CNTN2: variants seen among roughly 807,000 people sequenced by gnomAD.
CNTN2 encodes contactin 2.
A neutral mutation model predicts 117.5 loss-of-function variants in CNTN2; 53 were observed. The observed-to-expected ratio is 0.45, with a 90% CI of 0.36 to 0.57. CNTN2 has a LOEUF of 0.57. Ranked by LOEUF, CNTN2 falls within the 20% of genes least tolerant of loss-of-function variation. The pLI is 0.00. For missense variants in CNTN2, 1,106 were observed against 1,404.3 expected, an observed-to-expected ratio of 0.79 and a Z score of 3.39; for synonymous variants, 530 against 561.7, an observed-to-expected ratio of 0.94 and a Z score of 0.80.
chr1:205,055,254 T>C (rs1170823973), intron 2 of CNTN2, among the ~76,000 whole-genome samples: 1 of 152,192 alleles, frequency 6.6e-6, no homozygotes, highest in Non-Finnish European at 1.5e-5. Flanking sequence ...GCTCAGGTGA[T>C]CCTCCTGCCT....
At chr1:205,050,932 G>T (rs10900440) in intron 1 of CNTN2, among the ~76,000 whole-genome samples, 33,404 of 152,158 alleles carry the variant, frequency 0.22, 4,582 homozygotes, top group East Asian at 0.64. Context: ...TGAGTACGTT[G>T]AAGGTGGGCT....
In CNTN2 at chr1:205,050,278, A is replaced by AGTGTGTGTGT. The variant is rs3073631; in HGVS notation, c.-86-2792_-86-2783dup. Among the ~76,000 whole-genome samples the AGTGTGTGTGT allele has an allele frequency of 5.4e-3, 786 of 145,488 alleles. 8 individuals carry two copies. The highest frequency in any genetic ancestry group is 0.046 in the East Asian group (216 of 4,694). On this transcript the variant is annotated intron_variant, in intron 1 of 22. Transcript: ENST00000331830. ...ATACGCTGCTGACCCTAGAGCTCTG[A>AGTGTGTGTGT]GTGTGTGTGTGTGTGTGTGTGTGTG...
At position 205,072,533 on chromosome 1, in the gene CNTN2, C is replaced by G; in HGVS notation, c.2782C>G (p.Leu928Val). The stretch of plus-strand genomic sequence containing the variant: ...CTCCTGGACTTTCTCAAGCTCTAGT[C>G]TTAGCATTAAGTGGGACCCTGTGGT... ...NISWTFSSSSLSIKWDPVVPF... is the reference protein window; with the variant it reads ...NISWTFSSSSVSIKWDPVVPF... Residue 928 changes from leucine (L) to valine (V), a missense_variant, in exon 21 of 23, where the codon CTT (leucine) becomes GTT (valine). Transcript: ENST00000331830. 1.2e-6 allele frequency: 2 copies of G among 1,614,188 alleles called. No individual in the cohort carries two copies. Among genetic ancestry groups the G allele is most frequent in the East Asian group, 4.5e-5 (2 of 44,884 alleles).
intron 21 of CNTN2, 96 bp downstream of exon 21, chr1:205,072,691 T>G (rs1475811992): frequency 5.7e-6 from 5 of 875,786 alleles, no homozygotes; most frequent in African/African-American, 3.3e-5. Flanking sequence ...AAGAGGCATC[T>G]GAGTGAGACA....
At chr1:205,057,250 G>C (rs935612587) in intron 2 of CNTN2, 1 of 152,226 alleles carries the variant, frequency 6.6e-6, no homozygotes, top group African/African-American at 2.4e-5. Context: ...ACTTTCCCAA[G>C]GTCCCACAGC....
At chr1:205,062,378 A>G in intron 9 of CNTN2, 62 bp from the exon 10 acceptor site, 5 of 1,549,968 alleles carry the variant, frequency 3.2e-6, no homozygotes, top group Non-Finnish European at 4.3e-6. Context: ...ACCCCTGCCA[A>G]CCCCTCCTCC....
rs142960235 is a variant in CNTN2 at position 205,066,804 on chromosome 1, G to A, written c.1975+205G>A. ...CAGAAAGTAGGAGAGTCGGGAAAGA[G>A]TTAGAAGAGGAGGCGCTTGGTCTAT... On this transcript the variant is annotated intron_variant, in intron 15 of 22. Coordinates refer to ENST00000331830, the MANE Select transcript of CNTN2 (RefSeq NM_005076.5). 3.3e-3 allele frequency among the ~76,000 whole-genome samples: 497 copies of A among 152,318 alleles called. 21 individuals carry two copies. In the East Asian group the frequency reaches 0.071, roughly 22 times the overall value.
At chr1:205,062,762 A>G in intron 10 of CNTN2, 193 bp downstream of exon 10, 1 of 529,598 alleles carries the variant, frequency 1.9e-6, no homozygotes, top group Non-Finnish European at 3.0e-6. Context: ...CAGCTGCCAG[A>G]GGGCAGGGTC....
In CNTN2 at chr1:205,059,823, C is replaced by T. The variant is rs940647972; in HGVS notation, c.797+141C>T. ...AAAGTACTGGGCACACAGTGGGTATCGACCACCACTCACTGGACAGTACCT... is the reference window on the plus strand; with the variant it reads ...AAAGTACTGGGCACACAGTGGGTATTGACCACCACTCACTGGACAGTACCT... On this transcript the variant is annotated intron_variant, in intron 7 of 22. Transcript: ENST00000331830. The surrounding 1 kb of genome is among the most constrained non-coding windows in gnomAD (Gnocchi z 5.6). 7 of 664,896 alleles carry T rather than the reference C, an allele frequency of 1.1e-5. No homozygotes were observed. Among genetic ancestry groups the T allele is most frequent in the African/African-American group, 7.2e-5 (4 of 55,664 alleles). The allele number at this position is 664,896 out of a possible 1,614,324, so 41.2% of individuals were successfully genotyped here. A position where few individuals can be genotyped will look rare whatever the true frequency, so the allele number is the denominator to read the frequency against.
chr1:205,069,510 AG>A lies in CNTN2; in HGVS notation c.2147del (p.Gly716AspfsTer114). 6.2e-7 allele frequency: 1 copy of A among 1,614,078 alleles called. No individual in the cohort carries two copies. Among genetic ancestry groups the A allele is most frequent in the Non-Finnish European group, 8.5e-7 (1 of 1,180,016 alleles). On this transcript the variant is annotated frameshift_variant, in exon 17 of 23. Coordinates refer to ENST00000331830, the MANE Select transcript of CNTN2 (RefSeq NM_005076.5). LOFTEE classifies it high-confidence loss of function. ...REAAPSVAPS[G>X]LSGGGGAPGE... ...TGACAGCCCCCTCGGTGGCACCCTC[AG>A]GACTCAGCGGAGGAGGTGGAGCCCC...
chr1:205,063,786 G>A (rs1654113997), intron 10 of CNTN2, among the ~76,000 whole-genome samples: 1 of 152,104 alleles, frequency 6.6e-6, no homozygotes, highest in Admixed American at 6.5e-5. Flanking sequence ...CATTTAGACT[G>A]TGACCTGAAT....
intron 18 of CNTN2, 133 bp from the exon 19 acceptor site, chr1:205,070,293 G>C: frequency 1.4e-6 from 1 of 718,740 alleles, no homozygotes; most frequent in Non-Finnish European, 2.3e-6. Context: ...GCATTGCTTG[G>C]GGGGCTCCCA....
chr1:205,067,165 C>G lies in CNTN2; in HGVS notation c.2040C>G (p.Asp680Glu), dbSNP rs1323344733. ...AQVLGLTPWM[D>E]YEFRVIASNI... is the part of the protein sequence containing the mutation. ...TGCTGGGCCTCACCCCCTGGATGGA[C>G]TATGAGTTCCGGGTCATAGCCAGCA... The change falls in exon 16 of 23, where the codon GAC becomes GAG. Residue 680 changes from aspartate (D) to glutamate (E), a missense_variant. Asp to Glu is a conservative substitution (Grantham distance 45). Coordinates refer to ENST00000331830, the MANE Select transcript of CNTN2 (RefSeq NM_005076.5). The G allele has an allele frequency of 2.5e-6, 4 of 1,614,130 alleles. No homozygotes were observed. The African/African-American group carries it at 4.0e-5, about 16-fold the overall frequency.
At chr1:205,044,294 T>C (rs1317220306) in intron 1 of CNTN2, among the ~76,000 whole-genome samples, 1 of 152,062 alleles carries the variant, frequency 6.6e-6, no homozygotes, top group Non-Finnish European at 1.5e-5. Context: ...CCAGTGAGTG[T>C]CCAGAGCTGA....
chr1:205,044,086 A>C (rs1390187280), intron 1 of CNTN2, among the ~76,000 whole-genome samples: 1 of 151,864 alleles, frequency 6.6e-6, no homozygotes, highest in South Asian at 2.1e-4. Flanking sequence ...CTTCTCCTCA[A>C]ATCCCTCCCC....
At position 205,070,445 on chromosome 1, in the gene CNTN2, C is replaced by G; in HGVS notation, c.2451C>G (p.Thr817=). ...SAEEEPRVAP[T]KVWAKGVSSS... The stretch of plus-strand genomic sequence containing the variant: ...CCCCAGAGCCCAGGGTGGCCCCTAC[C>G]AAGGTGTGGGCCAAAGGGGTCTCAT... Residue 817 remains threonine, a synonymous_variant, in exon 19 of 23, where the codon ACC becomes ACG. Transcript: ENST00000331830. 6.2e-7 allele frequency: 1 copy of G among 1,613,764 alleles called. No homozygotes were observed. Among genetic ancestry groups the G allele is most frequent in the Non-Finnish European group, 8.5e-7 (1 of 1,179,870 alleles).
Position 205,077,403 on chromosome 1 carries a change from C to A in CNTN2, c.*3638C>A, listed in dbSNP as rs1036577971. The A allele has an allele frequency of 2.0e-5, 3 of 152,302 alleles. No individual in the cohort carries two copies. The highest frequency in any genetic ancestry group is 4.4e-5 in the Non-Finnish European group (3 of 68,080). 9.4% of individuals were successfully genotyped at this position (152,302 alleles called of 1,614,324 possible). A position where few individuals can be genotyped will look rare whatever the true frequency, so the allele number is the denominator to read the frequency against. On this transcript the variant is annotated 3_prime_UTR_variant, in exon 23 of 23. Coordinates refer to ENST00000331830, the MANE Select transcript of CNTN2 (RefSeq NM_005076.5). Reference sequence around the variant, plus strand: ...CCTGGTCTCAGAATGGGACTGCCAACTGGCTCATTGGTGGGAGACACAGTA... The same window carrying A: ...CCTGGTCTCAGAATGGGACTGCCAAATGGCTCATTGGTGGGAGACACAGTA...
intron 2 of CNTN2, chr1:205,057,341 A>G (rs1018783633): frequency 1.3e-5 from 2 of 152,302 alleles, no homozygotes; most frequent in African/African-American, 4.8e-5. Flanking sequence ...CTCCAGGGAC[A>G]CACATCCTCT....
chr1:205,063,814 G>A (rs919887165), intron 10 of CNTN2, among the ~76,000 whole-genome samples: 3 of 151,944 alleles, frequency 2.0e-5, no homozygotes, highest in African/African-American at 4.8e-5. Flanking sequence ...AGCCAGCCGC[G>A]TGAAGATCTG....
Sources: gnomAD v4.1 joint callset for allele counts (sites outside exome capture counted in the v4.1 genomes callset) on GRCh38, gnomAD v4.1.1 for gene constraint, Gnocchi (gnomAD v3.1) non-coding constraint, MANE v1.5 for transcripts, NCBI Gene and HGNC (gene_info 2026-07-23, HGNC 2026-07-21) for gene names.